ZDHHC24: variants seen among roughly 807,000 people sequenced by gnomAD.
The protein encoded by ZDHHC24 is zDHHC palmitoyltransferase 24.
Under a neutral mutation model 23.2 loss-of-function variants are expected in ZDHHC24, and 17 were observed. The observed-to-expected ratio is 0.73, with a 90% CI of 0.50 to 1.10. ZDHHC24 has a LOEUF of 1.10. Among genes scored for constraint, ZDHHC24 ranks in the 50% least tolerant of loss-of-function variants. The pLI is 0.00. For synonymous variants in ZDHHC24, 186 were observed against 194.5 expected (o/e 0.96, Z 0.36); for missense variants, 366 against 393.0 (o/e 0.93, Z 0.58).
At chr11:66,534,663 A>T (rs1393500697), downstream of ZDHHC24, among the ~76,000 whole-genome samples, 1 of 151,750 alleles carries the variant, frequency 6.6e-6, no homozygotes, top group Non-Finnish European at 1.5e-5. Flanking sequence ...TAGAGTTTTT[A>T]AAGATTTTTT....
intron 2 of ZDHHC24, 126 bp downstream of exon 2, chr11:66,543,578 G>A (rs1413431064): frequency 8.0e-7 from 1 of 1,244,790 alleles, no homozygotes; most frequent in Non-Finnish European, 1.1e-6. Context: ...TGCCCTTACT[G>A]GCCATCACTG....
In ZDHHC24 at chr11:66,524,974, G is replaced by A. The variant is rs576216174; in HGVS notation, c.*21+1962C>T. On this transcript the variant is annotated intron_variant, in intron 4 of 4. Transcript: ENST00000526986. The stretch of plus-strand genomic sequence containing the variant: ...CCAGCACTTTGGGAGGCCGAGGCAG[G>A]CAGATCACAAGGTCAGGAGATGGAG... Among the ~76,000 whole-genome samples, 3 of 152,102 alleles carry A rather than the reference G, an allele frequency of 2.0e-5. No homozygotes were observed. In the South Asian group the frequency reaches 6.2e-4, roughly 32 times the overall value.
At chr11:66,531,094 C>T, downstream of ZDHHC24, 1 of 1,596,978 alleles carries the variant, frequency 6.3e-7, no homozygotes, top group Non-Finnish European at 8.5e-7. Context: ...ATGAGATGCC[C>T]ACAGAGCCCC....
In ZDHHC24 at chr11:66,538,625, C is replaced by A. The variant is rs964032165; in HGVS notation, c.*904G>T. ...TTCCCTTTGTATTATTTTTGATTTT[C>A]TTTACTATCATCTTAGAGAGATCCT... On this transcript the variant is annotated 3_prime_UTR_variant, in exon 3 of 3. Coordinates refer to ENST00000310442, the MANE Select transcript of ZDHHC24 (RefSeq NM_207340.3). 1.3e-5 allele frequency: 2 copies of A among 152,152 alleles called. No homozygotes were observed. The highest frequency in any genetic ancestry group is 1.5e-5 in the Non-Finnish European group (1 of 68,028). The allele number at this position is 152,152 out of a possible 1,614,324, so 9.4% of individuals were successfully genotyped here.
intron 4 of ZDHHC24, among the ~76,000 whole-genome samples, chr11:66,525,617 T>G (rs560760648): frequency 3.3e-5 from 5 of 152,150 alleles, no homozygotes. Context: ...AATTGTCCTG[T>G]GTCACAGTAT....
chr11:66,521,243 T>A lies in ZDHHC24; in HGVS notation c.*245A>T. 3 of 1,573,358 alleles carry A rather than the reference T, an allele frequency of 1.9e-6. No individual in the cohort carries two copies. In the South Asian group the frequency reaches 3.3e-5, roughly 17 times the overall value. ...GGAGGGACGGGGGCTCCAGAGAAAT[T>A]GGAGTGTTTGCGCTTCTTGTTTGCA... On this transcript the variant is annotated 3_prime_UTR_variant, in exon 5 of 5. Transcript: ENST00000526986.
chr11:66,541,403 CAAA>C (rs59885168), intron 2 of ZDHHC24, among the ~76,000 whole-genome samples: 1 of 99,624 alleles, frequency 1.0e-5, no homozygotes, highest in Non-Finnish European at 2.1e-5. Flanking sequence ...AACTCCATCT[CAAA>C]AAAAAAAAAA....
In ZDHHC24 at chr11:66,523,906, CCACT is replaced by C. The variant is rs752791584; in HGVS notation, c.*22-2444_*22-2441del. 437 of 1,611,696 alleles carry C rather than the reference CCACT, an allele frequency of 2.7e-4. 4 individuals carry two copies. The highest frequency in any genetic ancestry group is 2.1e-3 in the South Asian group (190 of 91,086). Reference sequence around the variant, plus strand: ...CGGTGAGCCCCATCTCCGGCATCTGCCACTCACTCCTCCTTGCCCTCGTCTCACC... The same window carrying C: ...CGGTGAGCCCCATCTCCGGCATCTGCCACTCCTCCTTGCCCTCGTCTCACC... On this transcript the variant is annotated intron_variant, in intron 4 of 4. Coordinates refer to the ZDHHC24 transcript ENST00000526986.
chr11:66,525,563 CA>C (rs879584801), intron 4 of ZDHHC24, among the ~76,000 whole-genome samples: 1 of 150,894 alleles, frequency 6.6e-6, no homozygotes, highest in African/African-American at 2.4e-5. Context: ...GACTCCATCT[CA>C]AAAAAAAAGT....
At position 66,539,137 on chromosome 11, in the gene ZDHHC24, G is replaced by C; in HGVS notation, c.*392C>G. 1.4e-6 allele frequency: 1 copy of C among 739,422 alleles called. No individual in the cohort carries two copies. The highest frequency in any genetic ancestry group is 1.7e-6 in the Non-Finnish European group (1 of 600,518). 45.8% of individuals were successfully genotyped at this position (739,422 alleles called of 1,614,324 possible). ...CCCCCAACTCACCCAGGCCAGGGGA[G>C]GTAGAGCCCCAGCCCCTGAGACCCT... On this transcript the variant is annotated 3_prime_UTR_variant, in exon 3 of 3. Coordinates refer to ENST00000310442, the MANE Select transcript of ZDHHC24 (RefSeq NM_207340.3).
intron 4 of ZDHHC24, chr11:66,523,112 C>T: frequency 2.1e-6 from 1 of 482,016 alleles, no homozygotes; most frequent in Non-Finnish European, 4.1e-6. Flanking sequence ...GTGCCTAAGT[C>T]CACTTGTCCT....
downstream of ZDHHC24, chr11:66,532,066 C>T: frequency 1.3e-6 from 2 of 1,578,904 alleles, no homozygotes; most frequent in South Asian, 1.2e-5. Context: ...AGCCCCTGCA[C>T]AATCAGCCAG....
At chr11:66,542,940 A>G (rs1421460875) in intron 2 of ZDHHC24, 2 of 152,424 alleles carry the variant, frequency 1.3e-5, no homozygotes, top group Admixed American at 6.6e-5. Flanking sequence ...GGTGGGGTCC[A>G]TGCACAGAGC....
At chr11:66,521,549 G>C in intron 4 of ZDHHC24, 1 of 668,110 alleles carries the variant, frequency 1.5e-6, no homozygotes, top group Admixed American at 2.2e-5. Flanking sequence ...CTGGAGGCTT[G>C]TGAGATAGGG....
chr11:66,536,345 T>A lies in ZDHHC24; in HGVS notation c.*3184A>T, dbSNP rs976662644. 6.6e-6 allele frequency: 1 copy of A among 152,144 alleles called. No homozygotes were observed. The highest frequency in any genetic ancestry group is 2.4e-5 in the African/African-American group (1 of 41,372). The allele number at this position is 152,144 out of a possible 1,614,324, so 9.4% of individuals were successfully genotyped here. ...GCCAAGGTGGGCAGATCACCTGAGG[T>A]CAGCAGTTCAAGACCAGCCTGACCA... On this transcript the variant is annotated 3_prime_UTR_variant, in exon 3 of 3. Transcript: ENST00000310442.
intron 1 of ZDHHC24, 61 bp from the exon 2 acceptor site, chr11:66,544,042 AG>A (rs1198221937): frequency 2.3e-5 from 36 of 1,580,058 alleles, no homozygotes; most frequent in Non-Finnish European, 3.0e-5. Context: ...TATTGTGCAC[AG>A]GGCTGCCCCA....
chr11:66,543,657 A>G (rs1256236739), intron 2 of ZDHHC24, 47 bp downstream of exon 2: 2 of 1,513,698 alleles, frequency 1.3e-6, no homozygotes, highest in South Asian at 1.3e-5. Context: ...TCCCCAGCCC[A>G]ATACCAGGGC....
chr11:66,529,888 C>A, intron 2 of ZDHHC24: 1 of 1,609,354 alleles, frequency 6.2e-7, no homozygotes, highest in Non-Finnish European at 8.5e-7. Context: ...TACCTGCAGG[C>A]CCTCGAGTCC....
intron 1 of ZDHHC24, among the ~76,000 whole-genome samples, chr11:66,544,293 T>C (rs1300874948): frequency 2.0e-5 from 3 of 152,182 alleles, no homozygotes; most frequent in Non-Finnish European, 2.9e-5. Flanking sequence ...AGGAACTCTC[T>C]GGATTACTGC....
Sources: allele counts gnomAD v4.1 joint callset (sites outside exome capture counted in the v4.1 genomes callset), GRCh38; gene constraint gnomAD v4.1.1; transcripts MANE v1.5; gene names NCBI Gene and HGNC (gene_info 2026-07-23, HGNC 2026-07-21).